Variants in PHACTR2 observed in about 807,000 individuals in gnomAD.
The protein encoded by PHACTR2 is phosphatase and actin regulator 2, also known as chromosome 6 open reading frame 56.
In PHACTR2, 30 loss-of-function variants were observed where a neutral mutation model predicts 76.0. That is an observed-to-expected ratio of 0.39 (90% CI 0.30 to 0.54). The LOEUF (loss-of-function observed/expected upper bound fraction) is 0.54, where lower values mean the gene tolerates loss of function less well. Among genes scored for constraint, PHACTR2 ranks in the 20% least tolerant of loss-of-function variants. PHACTR2 has a pLI of 0.61. For synonymous variants in PHACTR2, 292 were observed against 292.5 expected (o/e 1.00, Z 0.02); for missense variants, 696 against 781.1 (o/e 0.89, Z 1.30).
intron 1 of PHACTR2, among the ~76,000 whole-genome samples, chr6:143,632,009 A>C (rs9918365): frequency 0.014 from 2,142 of 152,278 alleles, 59 homozygotes; most frequent in African/African-American, 0.049. Flanking sequence ...CCAGAAATGC[A>C]CTGTTATGGA....
At position 143,595,979 on chromosome 6, in the gene PHACTR2, G is replaced by T. The variant is rs529347848; in HGVS notation, c.217+58772G>T. Among the ~76,000 whole-genome samples, 1 of 152,072 alleles carries T rather than the reference G, an allele frequency of 6.6e-6. No individual in the cohort carries two copies. The highest frequency in any genetic ancestry group is 1.5e-5 in the Non-Finnish European group (1 of 68,020). ...TTTTCTATGGTTCAAACTATTTCTC[G>T]TATAAGCACTATCTACTGGAGACTC... On this transcript the variant is annotated intron_variant, in intron 1 of 11. Transcript: ENST00000367584. The surrounding 1 kb of genome is among the most constrained non-coding windows in gnomAD (Gnocchi z 4.2).
intron 1 of PHACTR2, chr6:143,711,769 C>G: frequency 3.0e-6 from 2 of 676,114 alleles, no homozygotes; most frequent in Non-Finnish European, 2.8e-6. Context: ...CTGGCCCCAT[C>G]TATAATGTAA....
In PHACTR2 at chr6:143,742,181, A is replaced by C. The variant is rs1339936888; in HGVS notation, c.215-6804A>C. Among the ~76,000 whole-genome samples the C allele has an allele frequency of 4.7e-5, 7 of 149,768 alleles. No individual in the cohort carries two copies. Among genetic ancestry groups the C allele is most frequent in the Non-Finnish European group, 8.9e-5 (6 of 67,304 alleles). The stretch of plus-strand genomic sequence containing the variant: ...CTCTTCACTGCTGATGAATCATGAC[A>C]AACTTAATGAAAGAGAGAACTCATT... On this transcript the variant is annotated intron_variant, in intron 2 of 12. Coordinates refer to ENST00000440869, the MANE Select transcript of PHACTR2 (RefSeq NM_001100164.2). This position sits in a 1 kb window ranked among gnomAD's most constrained non-coding sequence, Gnocchi z 4.5.
rs12209953 is a variant in PHACTR2 at position 143,548,037 on chromosome 6, G to A, written c.217+10830G>A. ...ATAACAAACTGTCATAGACTGGTTG[G>A]CTTATAAATAAGAGAAGTTTATTTC... On this transcript the variant is annotated intron_variant, in intron 1 of 11. Transcript: ENST00000367584. The surrounding 1 kb of genome is among the most constrained non-coding windows in gnomAD (Gnocchi z 4.5). Among the ~76,000 whole-genome samples, 1 of 151,970 alleles carries A rather than the reference G, an allele frequency of 6.6e-6. No individual in the cohort carries two copies. Among genetic ancestry groups the A allele is most frequent in the Non-Finnish European group, 1.5e-5 (1 of 68,014 alleles).
In PHACTR2 at chr6:143,546,524, CT is replaced by C. The variant is rs1478181517; in HGVS notation, c.217+9323del. ...CAGGTCATCAATGTTGATTTATGATCTTTTTTGTTTTATGTATATTTTCACC... is the reference window on the plus strand; with the variant it reads ...CAGGTCATCAATGTTGATTTATGATCTTTTTGTTTTATGTATATTTTCACC... On this transcript the variant is annotated intron_variant, in intron 1 of 11. Transcript: ENST00000367584. The surrounding 1 kb of genome is among the most constrained non-coding windows in gnomAD (Gnocchi z 4.9). Among the ~76,000 whole-genome samples, 1 of 152,112 alleles carries C rather than the reference CT, an allele frequency of 6.6e-6. No homozygotes were observed. The highest frequency in any genetic ancestry group is 1.5e-5 in the Non-Finnish European group (1 of 68,004).
chr6:143,635,754 C>T (rs1776441747), intron 1 of PHACTR2, among the ~76,000 whole-genome samples: 2 of 152,156 alleles, frequency 1.3e-5, no homozygotes, highest in South Asian at 2.1e-4. Flanking sequence ...TATAATGGCT[C>T]TTTATATTAG....
intron 1 of PHACTR2, among the ~76,000 whole-genome samples, chr6:143,572,606 G>T (rs995746537): frequency 6.6e-6 from 1 of 152,158 alleles, no homozygotes; most frequent in African/African-American, 2.4e-5. Context: ...AGGTTGGAGT[G>T]CAGTGGCACG....
At chr6:143,538,733 A>C (rs1452196133) in intron 1 of PHACTR2, among the ~76,000 whole-genome samples, 1 of 152,222 alleles carries the variant, frequency 6.6e-6, no homozygotes, top group Non-Finnish European at 1.5e-5. Flanking sequence ...CTGTCTTCTT[A>C]TTCTTGTCAT....
chr6:143,556,536 G>GA lies in PHACTR2; in HGVS notation c.217+19335dup, dbSNP rs1405787348. Among the ~76,000 whole-genome samples, 5 of 152,172 alleles carry GA rather than the reference G, an allele frequency of 3.3e-5. No homozygotes were observed. Among genetic ancestry groups the GA allele is most frequent in the Non-Finnish European group, 7.4e-5 (5 of 68,022 alleles). Reference sequence around the variant, plus strand: ...AGAGAGAGGAAAGTGAAAAAGATGAGAAAAAATATTTTGAGAAAAGTTGAC... The same window carrying GA: ...AGAGAGAGGAAAGTGAAAAAGATGAGAAAAAAATATTTTGAGAAAAGTTGAC... On this transcript the variant is annotated intron_variant, in intron 1 of 11. Coordinates refer to the PHACTR2 transcript ENST00000367584. The surrounding 1 kb of genome is among the most constrained non-coding windows in gnomAD (Gnocchi z 4.3).
chr6:143,577,772 GA>G (rs67150218), intron 1 of PHACTR2, among the ~76,000 whole-genome samples: 46 of 146,900 alleles, frequency 3.1e-4, no homozygotes, highest in African/African-American at 6.0e-4. Flanking sequence ...ATCGTCGATG[GA>G]AAAAAAAAAA....
chr6:143,813,061 A>T (rs1046109477), intron 12 of PHACTR2, among the ~76,000 whole-genome samples: 2 of 152,186 alleles, frequency 1.3e-5, no homozygotes, highest in African/African-American at 4.8e-5. Flanking sequence ...CATGTATCAG[A>T]TTTGTTATCA....
chr6:143,732,110 A>G (rs182523099), intron 2 of PHACTR2, among the ~76,000 whole-genome samples: 48 of 152,330 alleles, frequency 3.2e-4, no homozygotes, highest in Middle Eastern at 6.8e-3. Flanking sequence ...CCTCTCCCCC[A>G]GAATTCTTTA....
rs1384227847 is a variant in PHACTR2 at position 143,685,000 on chromosome 6, A to G, written c.46+6791A>G. On this transcript the variant is annotated intron_variant, in intron 1 of 12. Coordinates refer to ENST00000440869, the MANE Select transcript of PHACTR2 (RefSeq NM_001100164.2). This position sits in a 1 kb window ranked among gnomAD's most constrained non-coding sequence, Gnocchi z 4.3. ...TTTTTATGGTTTCTTACAAATTTGT[A>G]TATTCAGGAGATTAACCTAATGTCT... Among the ~76,000 whole-genome samples, 1 of 152,100 alleles carries G rather than the reference A, an allele frequency of 6.6e-6. No homozygotes were observed. The highest frequency in any genetic ancestry group is 1.5e-5 in the Non-Finnish European group (1 of 68,020).
At chr6:143,650,002 C>T (rs942436369) in intron 1 of PHACTR2, among the ~76,000 whole-genome samples, 3 of 152,184 alleles carry the variant, frequency 2.0e-5, no homozygotes, top group East Asian at 3.8e-4. Context: ...TCTCAGGATA[C>T]ACAATCAATG....
Position 143,585,535 on chromosome 6 carries a change from A to G in PHACTR2, c.217+48328A>G, listed in dbSNP as rs13194572. Among the ~76,000 whole-genome samples the G allele has an allele frequency of 0.19, 29,499 of 152,134 alleles. 2,912 individuals carry two copies. Among genetic ancestry groups the G allele is most frequent in the South Asian group, 0.32 (1,537 of 4,816 alleles). Reference sequence around the variant, plus strand: ...GAGCTGCCAGTGCCGCATACCAAGCAGGAGGCCATACTGTGGCCCTGTAGC... The same window carrying G: ...GAGCTGCCAGTGCCGCATACCAAGCGGGAGGCCATACTGTGGCCCTGTAGC... On this transcript the variant is annotated intron_variant, in intron 1 of 11. Coordinates refer to the PHACTR2 transcript ENST00000367584. The surrounding 1 kb of genome is among the most constrained non-coding windows in gnomAD (Gnocchi z 5.2).
intron 5 of PHACTR2, among the ~76,000 whole-genome samples, chr6:143,762,340 A>G (rs1779462307): frequency 6.6e-6 from 1 of 152,210 alleles, no homozygotes; most frequent in African/African-American, 2.4e-5. Context: ...GACAGCTTTC[A>G]TAAACGATTT....
chr6:143,562,861 T>C lies in PHACTR2; in HGVS notation c.217+25654T>C, dbSNP rs988656487. ...CATGGCTTGAAAACATTCTGCTCAA[T>C]GAAATAAGCCAGACACAGATGGATA... is the stretch of plus-strand genomic sequence containing the variant. On this transcript the variant is annotated intron_variant, in intron 1 of 11. Coordinates refer to the PHACTR2 transcript ENST00000367584. This position sits in a 1 kb window ranked among gnomAD's most constrained non-coding sequence, Gnocchi z 5.1. Among the ~76,000 whole-genome samples, 1 of 152,108 alleles carries C rather than the reference T, an allele frequency of 6.6e-6. No homozygotes were observed. Among genetic ancestry groups the C allele is most frequent in the Non-Finnish European group, 1.5e-5 (1 of 68,018 alleles).
At chr6:143,626,009 G>A (rs1307122496) in intron 1 of PHACTR2, among the ~76,000 whole-genome samples, 1 of 152,178 alleles carries the variant, frequency 6.6e-6, no homozygotes, top group Non-Finnish European at 1.5e-5. Flanking sequence ...GCATAGCTTT[G>A]TAAAACCTTC....
intron 1 of PHACTR2, among the ~76,000 whole-genome samples, chr6:143,615,521 AG>A (rs1776045663): frequency 6.6e-6 from 1 of 152,210 alleles, no homozygotes; most frequent in South Asian, 2.1e-4. Flanking sequence ...GACAAAATAT[AG>A]TTGTGAAGTG....
Sources: allele counts gnomAD v4.1 joint callset (sites outside exome capture counted in the v4.1 genomes callset), GRCh38; gene constraint gnomAD v4.1.1; non-coding constraint Gnocchi (gnomAD v3.1); transcripts MANE v1.5; gene names NCBI Gene and HGNC (gene_info 2026-07-23, HGNC 2026-07-21).